The following PRKD1 variants were observed in gnomAD, a reference collection of about 807,000 sequenced individuals.
PRKD1 encodes the protein serine/threonine-protein kinase D1.
Under a neutral mutation model 95.9 loss-of-function variants are expected in PRKD1, and 63 were observed. That is an observed-to-expected ratio of 0.66 (90% CI 0.54 to 0.81). The LOEUF (loss-of-function observed/expected upper bound fraction) is 0.81, where lower values mean the gene tolerates loss of function less well. Among genes scored for constraint, PRKD1 ranks in the 30% least tolerant of loss-of-function variants. The probability of loss-of-function intolerance (pLI) is 0.00; values close to 1 mark genes in which losing one functional copy is unlikely to be tolerated. For synonymous variants in PRKD1, 425 were observed against 423.1 expected (o/e 1.00, Z -0.05); for missense variants, 1,048 against 1,165.3 (o/e 0.90, Z 1.47).
At position 29,888,674 on chromosome 14, in the gene PRKD1, T is replaced by A. The variant is rs900746206; in HGVS notation, c.264+38575A>T. On this transcript the variant is annotated intron_variant, in intron 1 of 17. Coordinates refer to ENST00000331968, the MANE Select transcript of PRKD1 (RefSeq NM_002742.3). Reference sequence around the variant, plus strand: ...CTGGAAATAAAACTGCACATGGTGATGAAATACAGAAAGTAGAGGAGTCAT... The same window carrying A: ...CTGGAAATAAAACTGCACATGGTGAAGAAATACAGAAAGTAGAGGAGTCAT... Among the ~76,000 whole-genome samples the A allele has an allele frequency of 2.6e-5, 4 of 152,230 alleles. No homozygotes were observed. The East Asian group carries it at 7.7e-4, about 29-fold the overall frequency.
At chr14:29,688,059 C>A (rs1883986499) in intron 2 of PRKD1, among the ~76,000 whole-genome samples, 1 of 152,196 alleles carries the variant, frequency 6.6e-6, no homozygotes, top group South Asian at 2.1e-4. Flanking sequence ...AAACTGTCAG[C>A]AGTCTGCATT....
At chr14:29,801,209 T>A (rs1320769065) in intron 1 of PRKD1, among the ~76,000 whole-genome samples, 1 of 152,178 alleles carries the variant, frequency 6.6e-6, no homozygotes, top group African/African-American at 2.4e-5. Flanking sequence ...AAACTTCTTT[T>A]CAGTTTTTGT....
intron 1 of PRKD1, among the ~76,000 whole-genome samples, chr14:29,871,473 A>C (rs1156485625): frequency 6.6e-6 from 1 of 152,152 alleles, no homozygotes; most frequent in African/African-American, 2.4e-5. Context: ...TGTATTCAGA[A>C]AGTCTGAGTT....
chr14:29,700,413 T>A (rs755871157), intron 2 of PRKD1, among the ~76,000 whole-genome samples: 32 of 152,172 alleles, frequency 2.1e-4, no homozygotes, highest in Non-Finnish European at 4.4e-4. Context: ...GTCCACCTCC[T>A]TTTTCTTCAT....
intron 2 of PRKD1, among the ~76,000 whole-genome samples, chr14:29,701,351 C>G (rs1010352340): frequency 1.3e-5 from 2 of 152,182 alleles, no homozygotes; most frequent in African/African-American, 4.8e-5. Context: ...GTCTGATGCA[C>G]AGTACACTTG....
intron 4 of PRKD1, among the ~76,000 whole-genome samples, chr14:29,647,246 A>C (rs947711594): frequency 7.2e-5 from 11 of 152,194 alleles, no homozygotes; most frequent in Non-Finnish European, 1.6e-4. Flanking sequence ...TGAGTGCTAA[A>C]GTAATCGTGG....
At chr14:29,687,962 T>G (rs1375691268) in intron 2 of PRKD1, among the ~76,000 whole-genome samples, 1 of 152,346 alleles carries the variant, frequency 6.6e-6, no homozygotes, top group South Asian at 2.1e-4. Context: ...GCAATAGGAC[T>G]GTAAACTCCG....
intron 2 of PRKD1, among the ~76,000 whole-genome samples, chr14:29,691,324 G>T (rs1457752715): frequency 6.6e-6 from 1 of 152,096 alleles, no homozygotes; most frequent in Non-Finnish European, 1.5e-5. Flanking sequence ...ATCACCTGAG[G>T]GACTTTTAAA....
At chr14:29,916,935 G>A (rs1362341317) in intron 1 of PRKD1, among the ~76,000 whole-genome samples, 1 of 152,062 alleles carries the variant, frequency 6.6e-6, no homozygotes, top group Non-Finnish European at 1.5e-5. Flanking sequence ...CTAACACTCT[G>A]AAAAGGACAT....
intron 3 of PRKD1, 83 bp downstream of exon 3, chr14:29,665,993 CG>C (rs1359343798): frequency 2.9e-6 from 4 of 1,403,068 alleles, no homozygotes; most frequent in Non-Finnish European, 3.8e-6. Flanking sequence ...TTAGCTTTTA[CG>C]TATCTTTGCA....
intron 1 of PRKD1, among the ~76,000 whole-genome samples, chr14:29,851,825 C>T (rs1485531314): frequency 6.6e-6 from 1 of 152,146 alleles, no homozygotes; most frequent in Non-Finnish European, 1.5e-5. Context: ...GACTTGGAAT[C>T]AACGTAGGCA....
At chr14:29,923,556 C>T (rs1403615587) in intron 1 of PRKD1, among the ~76,000 whole-genome samples, 12 of 152,028 alleles carry the variant, frequency 7.9e-5, no homozygotes, top group Admixed American at 7.9e-4. Flanking sequence ...CAAAGTAATG[C>T]TACTTTCAAA....
At chr14:29,772,525 T>C (rs1465623086) in intron 1 of PRKD1, among the ~76,000 whole-genome samples, 1 of 152,220 alleles carries the variant, frequency 6.6e-6, no homozygotes. Context: ...TAATATCGTA[T>C]GTACTTTATA....
rs1208050885 is a variant in PRKD1 at position 29,630,730 on chromosome 14, T to C, written c.1672+12A>G. On this transcript the variant is annotated intron_variant, in intron 10 of 17. Coordinates refer to ENST00000331968, the MANE Select transcript of PRKD1 (RefSeq NM_002742.3). ...ATGAGCTTTGGGCTGGTTAGAAAAC[T>C]GGCAGACTCACTGTGCAAGTTGGTT... 2 of 1,613,832 alleles carry C rather than the reference T, an allele frequency of 1.2e-6. No individual in the cohort carries two copies. The highest frequency in any genetic ancestry group is 1.3e-5 in the African/African-American group (1 of 74,884).
intron 10 of PRKD1, 189 bp downstream of exon 10, chr14:29,630,553 A>C: frequency 1.5e-6 from 1 of 668,528 alleles, no homozygotes; most frequent in Non-Finnish European, 2.5e-6. Flanking sequence ...AAATAGGATA[A>C]TTTAACAAAC....
At chr14:29,788,208 T>C (rs1470488802) in intron 1 of PRKD1, among the ~76,000 whole-genome samples, 1 of 152,200 alleles carries the variant, frequency 6.6e-6, no homozygotes, top group Non-Finnish European at 1.5e-5. Flanking sequence ...TTAGCTGTCA[T>C]TGTTTTTTCT....
At chr14:29,722,676 G>A (rs890855897) in intron 2 of PRKD1, among the ~76,000 whole-genome samples, 1 of 152,162 alleles carries the variant, frequency 6.6e-6, no homozygotes, top group Non-Finnish European at 1.5e-5. Flanking sequence ...GTTAGGCCAG[G>A]TGAAAGTTGG....
intron 4 of PRKD1, among the ~76,000 whole-genome samples, chr14:29,639,176 TA>T (rs924974909): frequency 1.3e-5 from 2 of 152,274 alleles, no homozygotes; most frequent in Admixed American, 6.5e-5. Flanking sequence ...GTTTTTGCTT[TA>T]AAAAAGTGGT....
intron 1 of PRKD1, among the ~76,000 whole-genome samples, chr14:29,842,495 C>A (rs1891894929): frequency 6.6e-6 from 1 of 152,146 alleles, no homozygotes; most frequent in African/African-American, 2.4e-5. Flanking sequence ...ATTGTATAGG[C>A]AGTCCATTGT....
Sources: allele counts gnomAD v4.1 joint callset (sites outside exome capture counted in the v4.1 genomes callset), GRCh38; gene constraint gnomAD v4.1.1; transcripts MANE v1.5; gene names NCBI Gene and HGNC (gene_info 2026-07-23, HGNC 2026-07-21).